The following ARHGAP15 variants were observed in gnomAD, a reference collection of about 807,000 sequenced individuals.
ARHGAP15 encodes Rho GTPase activating protein 15.
In ARHGAP15, 51 loss-of-function variants were observed where a neutral mutation model predicts 63.7. That is an observed-to-expected ratio of 0.80 (90% CI 0.64 to 1.01). ARHGAP15 has a LOEUF of 1.01. Ranked by LOEUF, ARHGAP15 falls within the 50% of genes least tolerant of loss-of-function variation. The probability of loss-of-function intolerance (pLI) is 0.00; values close to 1 mark genes in which losing one functional copy is unlikely to be tolerated. For missense variants in ARHGAP15, 560 were observed against 564.6 expected, an observed-to-expected ratio of 0.99 and a Z score of 0.08; for synonymous variants, 191 against 193.8, an observed-to-expected ratio of 0.99 and a Z score of 0.12.
At chr2:143,535,380 TTTAA>T (rs151225406) in intron 10 of ARHGAP15, among the ~76,000 whole-genome samples, 2,219 of 152,326 alleles carry the variant, frequency 0.015, 25 homozygotes, top group South Asian at 0.043. Context: ...CAGTAAAGGA[TTTAA>T]TAAATTAATC....
chr2:143,512,347 T>C (rs923641940), intron 9 of ARHGAP15, among the ~76,000 whole-genome samples: 1 of 152,308 alleles, frequency 6.6e-6, no homozygotes, highest in Admixed American at 6.5e-5. Flanking sequence ...GCCAAGAAGA[T>C]AAAATGCATA....
At chr2:143,494,665 A>T (rs1692737640) in intron 9 of ARHGAP15, among the ~76,000 whole-genome samples, 1 of 152,124 alleles carries the variant, frequency 6.6e-6, no homozygotes, top group East Asian at 1.9e-4. Context: ...GACTTTGCCC[A>T]AATGTCTGAT....
At chr2:143,462,673 C>A (rs756054333) in intron 8 of ARHGAP15, among the ~76,000 whole-genome samples, 1 of 152,166 alleles carries the variant, frequency 6.6e-6, no homozygotes, top group African/African-American at 2.4e-5. Flanking sequence ...TATACCTAAC[C>A]AACCTACTTT....
At chr2:143,703,328 G>A (rs1254318099) in intron 12 of ARHGAP15, 91 bp from the exon 13 acceptor site, 1 of 921,796 alleles carries the variant, frequency 1.1e-6, no homozygotes, top group Admixed American at 2.6e-5. Context: ...GCTAGTCTCA[G>A]TCCAAAATTT....
intron 8 of ARHGAP15, 73 bp from the exon 9 acceptor site, chr2:143,487,300 A>C: frequency 1.3e-6 from 2 of 1,515,994 alleles, no homozygotes; most frequent in South Asian, 1.3e-5. Flanking sequence ...ACTGTTTTCT[A>C]TTCAGATTTG....
At chr2:143,453,398 T>C (rs1690496941) in intron 8 of ARHGAP15, among the ~76,000 whole-genome samples, 1 of 151,990 alleles carries the variant, frequency 6.6e-6, no homozygotes, top group Admixed American at 6.6e-5. Context: ...TAATAGTATC[T>C]ACCTCACAGA....
At chr2:143,362,733 G>T (rs1028521661) in intron 6 of ARHGAP15, among the ~76,000 whole-genome samples, 1 of 152,030 alleles carries the variant, frequency 6.6e-6, no homozygotes, top group Non-Finnish European at 1.5e-5. Flanking sequence ...CTAACTACTT[G>T]GTTGTACAAG....
intron 8 of ARHGAP15, among the ~76,000 whole-genome samples, chr2:143,457,127 CAA>C (rs1690696883): frequency 6.6e-6 from 1 of 152,134 alleles, no homozygotes; most frequent in South Asian, 2.1e-4. Flanking sequence ...GCTCCCATCT[CAA>C]AGTTTCCACC....
chr2:143,614,051 G>A lies in ARHGAP15; in HGVS notation c.1004-10082G>A, dbSNP rs559491387. 3.9e-5 allele frequency among the ~76,000 whole-genome samples: 6 copies of A among 152,248 alleles called. No homozygotes were observed. In the South Asian group the frequency reaches 1.2e-3, roughly 32 times the overall value. On this transcript the variant is annotated intron_variant, in intron 11 of 13. Transcript: ENST00000295095. The stretch of plus-strand genomic sequence containing the variant: ...ACTTGTGGCATCCCAAATGCATCAT[G>A]TTCTTCATTCCTTGGCGTGATTGTT...
intron 6 of ARHGAP15, among the ~76,000 whole-genome samples, chr2:143,302,668 A>G (rs750953549): frequency 1.3e-5 from 2 of 151,850 alleles, no homozygotes; most frequent in African/African-American, 2.4e-5. Flanking sequence ...TGAACTATCC[A>G]CCCCCGCCCA....
intron 6 of ARHGAP15, among the ~76,000 whole-genome samples, chr2:143,311,764 A>G (rs1683458531): frequency 6.6e-6 from 1 of 152,154 alleles, no homozygotes; most frequent in South Asian, 2.1e-4. Flanking sequence ...ATTCACTTCA[A>G]ATTTCTTTCT....
chr2:143,384,830 CG>C lies in ARHGAP15; in HGVS notation c.475-50767del, dbSNP rs1381736566. Among the ~76,000 whole-genome samples the C allele has an allele frequency of 2.0e-5, 3 of 152,094 alleles. No individual in the cohort carries two copies. The East Asian group carries it at 5.8e-4, about 29-fold the overall frequency. ...TGAGAAAAATTAATCCTAACCTGTC[CG>C]GGGATACCTTACCTTACCCCATTAT... On this transcript the variant is annotated intron_variant, in intron 6 of 13. Transcript: ENST00000295095.
intron 8 of ARHGAP15, among the ~76,000 whole-genome samples, chr2:143,469,501 C>A (rs1165104435): frequency 6.6e-6 from 1 of 152,218 alleles, no homozygotes; most frequent in African/African-American, 2.4e-5. Context: ...CACACGCGAG[C>A]TCCAGTGGGC....
intron 6 of ARHGAP15, among the ~76,000 whole-genome samples, chr2:143,389,634 G>A (rs1687454636): frequency 6.6e-6 from 1 of 152,070 alleles, no homozygotes; most frequent in African/African-American, 2.4e-5. Context: ...GTCCACATGG[G>A]GCAGACAAAG....
At chr2:143,272,805 T>C (rs1263579157) in intron 6 of ARHGAP15, among the ~76,000 whole-genome samples, 2 of 152,226 alleles carry the variant, frequency 1.3e-5, no homozygotes, top group East Asian at 3.8e-4. Context: ...CTCTTTTGTT[T>C]TCATGTGGTT....
At chr2:143,646,512 A>G (rs960738525) in intron 12 of ARHGAP15, among the ~76,000 whole-genome samples, 1 of 151,748 alleles carries the variant, frequency 6.6e-6, no homozygotes, top group African/African-American at 2.4e-5. Context: ...GCCATCCCAC[A>G]GTGAGACAGC....
rs145388769 is a variant in ARHGAP15, at chr2:143,646,590, G to A, written c.1138+22323G>A. Among the ~76,000 whole-genome samples, 439 of 152,112 alleles carry A rather than the reference G, an allele frequency of 2.9e-3. 3 individuals are homozygous for A. Among genetic ancestry groups the A allele is most frequent in the African/African-American group, 0.01 (418 of 41,536 alleles). ...TGTGTTTCCCAAGAAGCTTAAGTCTGGATGATTTACATGTAACATTTTAAA... is the reference window on the plus strand; with the variant it reads ...TGTGTTTCCCAAGAAGCTTAAGTCTAGATGATTTACATGTAACATTTTAAA... On this transcript the variant is annotated intron_variant, in intron 12 of 13. Transcript: ENST00000295095.
intron 5 of ARHGAP15, chr2:143,236,196 T>A (rs936766288): frequency 1.2e-4 from 52 of 430,054 alleles, no homozygotes; most frequent in Non-Finnish European, 2.1e-4. Context: ...TAGTATATGA[T>A]CCCTGCTCTT....
chr2:143,243,858 C>T (rs1281757404), intron 5 of ARHGAP15, among the ~76,000 whole-genome samples: 1 of 152,078 alleles, frequency 6.6e-6, no homozygotes, highest in East Asian at 1.9e-4. Context: ...TTATTAGGAC[C>T]ATTTTTACAC....
Sources: gnomAD v4.1 joint callset for allele counts (sites outside exome capture counted in the v4.1 genomes callset) on GRCh38, gnomAD v4.1.1 for gene constraint, MANE v1.5 for transcripts, NCBI Gene and HGNC (gene_info 2026-07-23, HGNC 2026-07-21) for gene names.